Variants in C8orf34 observed in about 807,000 individuals in gnomAD.
C8orf34 encodes chromosome 8 open reading frame 34.
In C8orf34, 65 loss-of-function variants were observed where a neutral mutation model predicts 68.3. That is an observed-to-expected ratio of 0.95 (90% CI 0.78 to 1.17). The LOEUF is 1.17. Ranked by LOEUF, C8orf34 falls within the 50% of genes most tolerant of loss-of-function variation. The pLI, the probability that C8orf34 is intolerant of heterozygous loss-of-function variation, is 0.00. For missense variants in C8orf34, 664 were observed against 655.4 expected (o/e 1.01, Z -0.14); for synonymous variants, 244 against 241.2 (o/e 1.01, Z -0.11).
Position 68,533,118 on chromosome 8 carries a change from T to C in C8orf34, c.1074T>C (p.Ile358=), listed in dbSNP as rs35537093. Residue 358 remains isoleucine, a synonymous_variant, in exon 7 of 14, where the codon ATT becomes ATC. Coordinates refer to ENST00000518698, the MANE Select transcript of C8orf34 (RefSeq NM_052958.4). Reference sequence around the variant, plus strand: ...CCCCATCTGTAACAGAAGAAGATATTGATAATGAAGATGATGCAATGGAAT... The same window carrying C: ...CCCCATCTGTAACAGAAGAAGATATCGATAATGAAGATGATGCAATGGAAT... ...SPTPSVTEED[I]DNEDDAMELL... 3,063 of 1,601,826 alleles carry C rather than the reference T, an allele frequency of 1.9e-3. 55 individuals are homozygous for C. In the African/African-American group the frequency reaches 0.033, roughly 17 times the overall value.
At chr8:68,717,800 G>A (rs576666292) in intron 9 of C8orf34, among the ~76,000 whole-genome samples, 95 of 152,252 alleles carry the variant, frequency 6.2e-4, no homozygotes, top group Middle Eastern at 3.4e-3. Context: ...ATAAACCAAT[G>A]TTAATGTAGC....
At chr8:68,557,688 A>G (rs568328175) in intron 7 of C8orf34, among the ~76,000 whole-genome samples, 212 of 152,268 alleles carry the variant, frequency 1.4e-3, no homozygotes, top group South Asian at 4.6e-3. Context: ...AGCTCCCTAC[A>G]CCAATGGGGA....
chr8:68,553,405 A>AAAAAAAAAAAAC, intron 7 of C8orf34, among the ~76,000 whole-genome samples: 1 of 141,098 alleles, frequency 7.1e-6, no homozygotes, highest in African/African-American at 2.8e-5. Flanking sequence ...AAAAAAAAAA[A>AAAAAAAAAAAAC]AAAAACATAT....
intron 10 of C8orf34, among the ~76,000 whole-genome samples, chr8:68,772,982 C>G (rs188319528): frequency 1.8e-4 from 28 of 151,894 alleles, no homozygotes; most frequent in African/African-American, 6.5e-4. Flanking sequence ...TCCTCTCCCC[C>G]TCTTTGTTTT....
At position 68,616,573 on chromosome 8, in the gene C8orf34, G is replaced by A. The variant is rs181475124; in HGVS notation, c.1106-23803G>A. On this transcript the variant is annotated intron_variant, in intron 7 of 13. Coordinates refer to ENST00000518698, the MANE Select transcript of C8orf34 (RefSeq NM_052958.4). ...CCTGGTAGTCATTCAGGAGCAGGTT[G>A]TTCAGTTTCCATGTAGTTGAGCAGT... is the stretch of plus-strand genomic sequence containing the variant. Among the ~76,000 whole-genome samples, 672 of 152,306 alleles carry A rather than the reference G, an allele frequency of 4.4e-3. 3 individuals are homozygous for A. Among genetic ancestry groups the A allele is most frequent in the Non-Finnish European group, 7.7e-3 (526 of 68,028 alleles).
chr8:68,696,360 A>G (rs1271923695), intron 8 of C8orf34, among the ~76,000 whole-genome samples: 1 of 148,748 alleles, frequency 6.7e-6, no homozygotes, highest in African/African-American at 2.4e-5. Flanking sequence ...GATTATATAT[A>G]TAGATTATAT....
chr8:68,357,726 A>G (rs1016000971), intron 1 of C8orf34, among the ~76,000 whole-genome samples: 9 of 152,236 alleles, frequency 5.9e-5, no homozygotes, highest in African/African-American at 1.9e-4. Flanking sequence ...TATTACAAGA[A>G]CCACACTGAT....
Position 68,691,302 on chromosome 8 carries a change from G to A in C8orf34, c.1242-17692G>A, listed in dbSNP as rs1413178992. On this transcript the variant is annotated intron_variant, in intron 8 of 13. Transcript: ENST00000518698. ...CATGTCTCTGTGTCAGCATTTTTTA[G>A]TAATAAAGTATTTGAATTAAGGTAT... Among the ~76,000 whole-genome samples the A allele has an allele frequency of 4.6e-5, 7 of 152,014 alleles. No homozygotes were observed. In the East Asian group the frequency reaches 1.4e-3, roughly 29 times the overall value.
intron 1 of C8orf34, among the ~76,000 whole-genome samples, chr8:68,389,384 G>C (rs1326900843): frequency 6.6e-6 from 1 of 152,092 alleles, no homozygotes; most frequent in Non-Finnish European, 1.5e-5. Context: ...TAAGTGCTAT[G>C]TATGCTATTA....
chr8:68,420,030 A>T (rs1463126116), intron 1 of C8orf34, among the ~76,000 whole-genome samples: 2 of 151,602 alleles, frequency 1.3e-5, no homozygotes, highest in Non-Finnish European at 2.9e-5. Flanking sequence ...AAATTATCTG[A>T]GAGCTTCAAA....
rs753578060 is a variant in C8orf34 at position 68,426,518 on chromosome 8, C to CAA, written c.328-12959_328-12958dup. On this transcript the variant is annotated intron_variant, in intron 1 of 13. Coordinates refer to ENST00000518698, the MANE Select transcript of C8orf34 (RefSeq NM_052958.4). ...TGAGTGACAGAATAAGACCTTGTCT[C>CAA]AAAAAAAAAAAAAAAAAAAAAAAGA... Among the ~76,000 whole-genome samples, 276 of 29,114 alleles carry CAA rather than the reference C, an allele frequency of 9.5e-3. 3 individuals carry two copies. Among genetic ancestry groups the CAA allele is most frequent in the Middle Eastern group, 0.038 (1 of 26 alleles). 19.1% of individuals were successfully genotyped at this position (29,114 alleles called of 152,430 possible).
At chr8:68,342,635 G>C (rs545200739) in intron 1 of C8orf34, among the ~76,000 whole-genome samples, 13 of 152,238 alleles carry the variant, frequency 8.5e-5, no homozygotes, top group South Asian at 2.1e-4. Flanking sequence ...GTCTAACCCT[G>C]TCCCACTCGA....
At chr8:68,590,087 A>G (rs1456976053) in intron 7 of C8orf34, among the ~76,000 whole-genome samples, 1 of 151,064 alleles carries the variant, frequency 6.6e-6, no homozygotes, top group Non-Finnish European at 1.5e-5. Context: ...GAAAGAATGA[A>G]AGAAGGAACG....
chr8:68,396,028 G>A (rs1167762361), intron 1 of C8orf34, among the ~76,000 whole-genome samples: 1 of 151,860 alleles, frequency 6.6e-6, no homozygotes, highest in African/African-American at 2.4e-5. Flanking sequence ...TACACCAAAT[G>A]GCATATTATT....
chr8:68,416,922 G>T (rs1271850573), intron 1 of C8orf34, among the ~76,000 whole-genome samples: 3 of 152,084 alleles, frequency 2.0e-5, no homozygotes, highest in South Asian at 2.1e-4. Context: ...TTCCTCCTTT[G>T]TATTTAAGTA....
At chr8:68,619,335 A>T (rs1321004503) in intron 7 of C8orf34, among the ~76,000 whole-genome samples, 1 of 152,178 alleles carries the variant, frequency 6.6e-6, no homozygotes, top group African/African-American at 2.4e-5. Flanking sequence ...AATAAATAAA[A>T]ATAAATACAT....
chr8:68,343,315 A>G (rs1217227392), intron 1 of C8orf34, among the ~76,000 whole-genome samples: 1 of 152,238 alleles, frequency 6.6e-6, no homozygotes, highest in African/African-American at 2.4e-5. Context: ...CCACCAAATG[A>G]TGGTGAGGAT....
intron 12 of C8orf34, among the ~76,000 whole-genome samples, chr8:68,801,649 C>A (rs1240143187): frequency 6.6e-6 from 1 of 152,098 alleles, no homozygotes; most frequent in East Asian, 1.9e-4. Flanking sequence ...CACAAATATA[C>A]TCTATAGTGT....
chr8:68,708,276 C>A (rs1159018774), intron 8 of C8orf34, among the ~76,000 whole-genome samples: 1 of 152,070 alleles, frequency 6.6e-6, no homozygotes, highest in Admixed American at 6.5e-5. Flanking sequence ...AAGAGATATG[C>A]ATATATGCTT....
Sources: gnomAD v4.1 joint callset for allele counts (sites outside exome capture counted in the v4.1 genomes callset) on GRCh38, gnomAD v4.1.1 for gene constraint, MANE v1.5 for transcripts, NCBI Gene and HGNC (gene_info 2026-07-23, HGNC 2026-07-21) for gene names.